The following CD226 variants were observed in gnomAD, a reference collection of about 807,000 sequenced individuals.
CD226 encodes the protein CD226 molecule, also known as CD226 antigen.
In CD226, 24 loss-of-function variants were observed where a neutral mutation model predicts 34.9. That is an observed-to-expected ratio of 0.69 (90% CI 0.50 to 0.97). The LOEUF is 0.97. CD226 is among the 50% of genes least tolerant of loss of function. CD226 has a pLI of 0.00. For synonymous variants in CD226, 148 were observed against 147.4 expected (o/e 1.00, Z -0.03); for missense variants, 397 against 412.7 (o/e 0.96, Z 0.33).
intron 2 of CD226, among the ~76,000 whole-genome samples, chr18:69,903,329 C>T (rs1211556026): frequency 6.6e-6 from 1 of 152,106 alleles, no homozygotes; most frequent in African/African-American, 2.4e-5. Flanking sequence ...CATCAGCATT[C>T]CCAGAAAGAG....
intron 2 of CD226, among the ~76,000 whole-genome samples, chr18:69,938,489 A>G (rs1215389107): frequency 4.6e-5 from 7 of 152,192 alleles, no homozygotes; most frequent in Non-Finnish European, 1.0e-4. Context: ...TTCAAATTGG[A>G]TATTTTCAAT....
chr18:69,955,680 G>A lies in CD226; in HGVS notation c.-28+1075C>T, dbSNP rs186683135. On this transcript the variant is annotated intron_variant, in intron 1 of 6. Transcript: ENST00000280200. ...AGATCGAGACCATCGTGGCTAACAC[G>A]GTGAAACCACGTCTCTGCTAAAAAT... Among the ~76,000 whole-genome samples the A allele has an allele frequency of 2.8e-3, 428 of 152,098 alleles. 1 individual carries two copies. Among genetic ancestry groups the A allele is most frequent in the African/African-American group, 9.8e-3 (406 of 41,500 alleles).
chr18:69,936,769 A>C (rs2055659237), intron 2 of CD226, among the ~76,000 whole-genome samples: 1 of 152,170 alleles, frequency 6.6e-6, no homozygotes, highest in Non-Finnish European at 1.5e-5. Context: ...TTATTTCTCC[A>C]TCTGACTTAA....
At chr18:69,931,556 C>T (rs951810330) in intron 2 of CD226, among the ~76,000 whole-genome samples, 4 of 152,194 alleles carry the variant, frequency 2.6e-5, no homozygotes, top group Middle Eastern at 3.4e-3. Flanking sequence ...GTGTGCACTG[C>T]AAAACACAAA....
At chr18:69,958,638 T>C (rs150517748), upstream of CD226, among the ~76,000 whole-genome samples, 2,080 of 152,188 alleles carry the variant, frequency 0.014, 47 homozygotes, top group Admixed American at 0.064. Context: ...CTATCTATCG[T>C]GACAGTAGCT....
intron 3 of CD226, among the ~76,000 whole-genome samples, chr18:69,880,357 A>AAGGAAGG (rs34896747): frequency 1.9e-3 from 174 of 89,634 alleles, no homozygotes; most frequent in South Asian, 6.2e-3. Context: ...AGAAAGAAAG[A>AAGGAAGG]AAGGAAGGAA....
chr18:69,869,099 T>A lies in CD226; in HGVS notation c.831-1688A>T, dbSNP rs921509205. Among the ~76,000 whole-genome samples, 10 of 152,222 alleles carry A rather than the reference T, an allele frequency of 6.6e-5. No homozygotes were observed. The East Asian group carries it at 1.2e-3, about 18-fold the overall frequency. Reference sequence around the variant, plus strand: ...GGCATTGTGGAAGACAGTGTGGTGATTCCTCAAAAACTTACAGACAGAAAT... The same window carrying A: ...GGCATTGTGGAAGACAGTGTGGTGAATCCTCAAAAACTTACAGACAGAAAT... On this transcript the variant is annotated intron_variant, in intron 4 of 5. Transcript: ENST00000582621.
chr18:69,925,578 T>A (rs1757412706), intron 2 of CD226, among the ~76,000 whole-genome samples: 1 of 152,094 alleles, frequency 6.6e-6, no homozygotes, highest in African/African-American at 2.4e-5. Context: ...TTCTCACTCA[T>A]CCAATCAGTT....
intron 2 of CD226, among the ~76,000 whole-genome samples, chr18:69,923,909 G>C (rs1414363407): frequency 6.7e-6 from 1 of 150,336 alleles, no homozygotes; most frequent in Non-Finnish European, 1.5e-5. Context: ...AGCCGAGATC[G>C]CGCCACTGCA....
In CD226 at chr18:69,855,264, T is replaced by G. The variant is rs1162978157; in HGVS notation, c.*9050A>C. ...ATCATTAATATGTTAAGAGCTCTCA[T>G]GAAAAAAATAGACAACAGATGGATA... On this transcript the variant is annotated 3_prime_UTR_variant, in exon 6 of 6. Coordinates refer to ENST00000582621, the MANE Select transcript of CD226 (RefSeq NM_001303618.2). 6.6e-6 allele frequency: 1 copy of G among 151,324 alleles called. No individual in the cohort carries two copies. Among genetic ancestry groups the G allele is most frequent in the Non-Finnish European group, 1.5e-5 (1 of 67,874 alleles). 9.4% of individuals were successfully genotyped at this position (151,324 alleles called of 1,614,324 possible).
In CD226 at chr18:69,864,264, T is replaced by C; in HGVS notation, c.*50A>G. ...TGGAAAAAAATTGCATAAAGATCCA[T>C]GCATGAGTACATAAGAGTCATTACT... On this transcript the variant is annotated 3_prime_UTR_variant, in exon 6 of 6. Coordinates refer to ENST00000582621, the MANE Select transcript of CD226 (RefSeq NM_001303618.2). The C allele has an allele frequency of 6.3e-7, 1 of 1,595,524 alleles. No individual in the cohort carries two copies. Among genetic ancestry groups the C allele is most frequent in the Non-Finnish European group, 8.6e-7 (1 of 1,165,716 alleles).
chr18:69,959,364 G>T (rs1177593350), upstream of CD226, among the ~76,000 whole-genome samples: 1 of 152,080 alleles, frequency 6.6e-6, no homozygotes, highest in Non-Finnish European at 1.5e-5. Context: ...CTTGCAAAAG[G>T]CTTTTTGAAC....
At chr18:69,895,655 G>C in intron 3 of CD226, 46 bp downstream of exon 3, 2 of 1,454,480 alleles carry the variant, frequency 1.4e-6, no homozygotes, top group Non-Finnish European at 1.9e-6. Context: ...CCACGGGGCT[G>C]GCTTTTTCCA....
intron 2 of CD226, among the ~76,000 whole-genome samples, chr18:69,904,741 G>A (rs930162720): frequency 1.5e-4 from 23 of 152,196 alleles, no homozygotes; most frequent in African/African-American, 5.5e-4. Flanking sequence ...ACATCTCTGA[G>A]GTCTCATAAA....
At chr18:69,922,500 C>G (rs568315614) in intron 2 of CD226, among the ~76,000 whole-genome samples, 1 of 152,298 alleles carries the variant, frequency 6.6e-6, no homozygotes, top group Admixed American at 6.5e-5. Flanking sequence ...AGGCTGGTTT[C>G]AAACTCCTAG....
At chr18:69,948,319 T>C (rs2055817143), upstream of CD226, among the ~76,000 whole-genome samples, 1 of 152,156 alleles carries the variant, frequency 6.6e-6, no homozygotes. Flanking sequence ...GTTAGGAACA[T>C]ATCAGCATGT....
At chr18:69,914,456 G>A (rs562406712) in intron 2 of CD226, among the ~76,000 whole-genome samples, 4 of 152,296 alleles carry the variant, frequency 2.6e-5, no homozygotes, top group African/African-American at 9.6e-5. Context: ...AATTCCTTGT[G>A]ATAGTTCTGC....
chr18:69,937,240 G>C (rs2145346696), intron 2 of CD226, among the ~76,000 whole-genome samples: 1 of 152,114 alleles, frequency 6.6e-6, no homozygotes, highest in East Asian at 1.9e-4. Flanking sequence ...CAATTTTAGA[G>C]GTTTTTGGTG....
rs573262371 is a variant in CD226 at position 69,860,495 on chromosome 18, T to C, written c.*3819A>G. 2 of 152,344 alleles carry C rather than the reference T, an allele frequency of 1.3e-5. No homozygotes were observed. Among genetic ancestry groups the C allele is most frequent in the South Asian group, 2.1e-4 (1 of 4,828 alleles). The allele number at this position is 152,344 out of a possible 1,614,324, so 9.4% of individuals were successfully genotyped here. Reference sequence around the variant, plus strand: ...AGTGCTCTGAATCTGGAAAAATATGTGTAAACCGACCTTGAGGATTTATAA... The same window carrying C: ...AGTGCTCTGAATCTGGAAAAATATGCGTAAACCGACCTTGAGGATTTATAA... On this transcript the variant is annotated 3_prime_UTR_variant, in exon 6 of 6. Coordinates refer to ENST00000582621, the MANE Select transcript of CD226 (RefSeq NM_001303618.2).
Sources: gnomAD v4.1 joint callset for allele counts (sites outside exome capture counted in the v4.1 genomes callset) on GRCh38, gnomAD v4.1.1 for gene constraint, MANE v1.5 for transcripts, NCBI Gene and HGNC (gene_info 2026-07-23, HGNC 2026-07-21) for gene names.